SPIN1: variants seen among roughly 807,000 people sequenced by gnomAD.
The protein encoded by SPIN1 is spindlin 1.
A neutral mutation model predicts 26.0 loss-of-function variants in SPIN1; 3 were observed. The ratio of observed to expected loss-of-function variants is 0.12; its 90% CI spans 0.05 to 0.30. The LOEUF is 0.30. Among genes scored for constraint, SPIN1 ranks in the 10% least tolerant of loss-of-function variants. The probability of loss-of-function intolerance (pLI) is 1.00; values close to 1 mark genes in which losing one functional copy is unlikely to be tolerated. For missense variants in SPIN1, 126 were observed against 333.4 expected, an observed-to-expected ratio of 0.38 and a Z score of 4.84; for synonymous variants, 101 against 116.5, an observed-to-expected ratio of 0.87 and a Z score of 0.86.
intron 2 of SPIN1, among the ~76,000 whole-genome samples, chr9:88,426,813 A>T (rs1827772732): frequency 1.3e-5 from 2 of 152,236 alleles, no homozygotes; most frequent in South Asian, 4.1e-4. Context: ...ATAAATGTCT[A>T]GTAAATTTAG....
chr9:88,447,828 G>A (rs957941924), intron 2 of SPIN1, among the ~76,000 whole-genome samples: 3 of 152,070 alleles, frequency 2.0e-5, no homozygotes, highest in African/African-American at 7.2e-5. Flanking sequence ...ATACACCATT[G>A]CCCAAAAATT....
chr9:88,452,090 A>AT (rs1413022474), intron 3 of SPIN1, among the ~76,000 whole-genome samples: 1 of 152,184 alleles, frequency 6.6e-6, no homozygotes, highest in Non-Finnish European at 1.5e-5. Flanking sequence ...AAATAGAGGT[A>AT]TTTCCAGGGA....
chr9:88,452,651 C>T (rs953263769), intron 3 of SPIN1, among the ~76,000 whole-genome samples: 2 of 152,146 alleles, frequency 1.3e-5, no homozygotes, highest in African/African-American at 4.8e-5. Flanking sequence ...AGGAAACATG[C>T]TAATGTGGAT....
intron 3 of SPIN1, among the ~76,000 whole-genome samples, chr9:88,451,547 G>A (rs1268009213): frequency 1.4e-4 from 22 of 152,042 alleles, no homozygotes; most frequent in East Asian, 1.9e-4. Flanking sequence ...TTAAAAGTAC[G>A]TCTGTTTTTT....
chr9:88,395,510 A>G (rs1587769449), intron 1 of SPIN1, among the ~76,000 whole-genome samples: 2 of 152,162 alleles, frequency 1.3e-5, no homozygotes, highest in East Asian at 1.9e-4. Context: ...TTGTGGGTAT[A>G]TTGTTTTTTA....
At chr9:88,430,327 GGA>G (rs1827844176) in intron 2 of SPIN1, among the ~76,000 whole-genome samples, 1 of 152,158 alleles carries the variant, frequency 6.6e-6, no homozygotes, top group African/African-American at 2.4e-5. Flanking sequence ...ACCTTTACAT[GGA>G]GGCTTCCAGA....
rs1828772524 is a variant in SPIN1, at chr9:88,471,019, A to ATT, written c.589+2415_589+2416insTT. 7.0e-4 allele frequency among the ~76,000 whole-genome samples: 107 copies of ATT among 152,254 alleles called. 1 individual carries two copies. The South Asian group carries it at 0.022, about 31-fold the overall frequency. On this transcript the variant is annotated intron_variant, in intron 5 of 5. Transcript: ENST00000375859. ...TTTTTAAATACAAGACCTTTATCAG[A>ATT]TATATGTTGCAAATGTTTTCTCCTA... is the stretch of plus-strand genomic sequence containing the variant.
intron 1 of SPIN1, among the ~76,000 whole-genome samples, chr9:88,397,750 T>A (rs774837327): frequency 6.6e-6 from 1 of 151,908 alleles, no homozygotes; most frequent in Non-Finnish European, 1.5e-5. Flanking sequence ...GTCTCCCAAG[T>A]AGCTGGGAGT....
intron 1 of SPIN1, among the ~76,000 whole-genome samples, chr9:88,406,183 T>A (rs1344058534): frequency 8.6e-5 from 13 of 151,846 alleles, no homozygotes; most frequent in Non-Finnish European, 2.9e-5. Context: ...ATTATAATAT[T>A]ATGGGACTAC....
Position 88,423,852 on chromosome 9 carries a change from G to T in SPIN1, c.-158-2530G>T, listed in dbSNP as rs139370737. ...GTGATCTTGGCTCACTACAACCTCTGCCTCCTGGGTTCAAGTGATTCTCCT... is the reference window on the plus strand; with the variant it reads ...GTGATCTTGGCTCACTACAACCTCTTCCTCCTGGGTTCAAGTGATTCTCCT... On this transcript the variant is annotated intron_variant, in intron 1 of 5. Transcript: ENST00000375859. 3.2e-3 allele frequency among the ~76,000 whole-genome samples: 480 copies of T among 151,796 alleles called. 10 individuals carry two copies. The South Asian group carries it at 0.046, about 14-fold the overall frequency.
chr9:88,420,314 G>A (rs1827645714), intron 1 of SPIN1, among the ~76,000 whole-genome samples: 1 of 152,230 alleles, frequency 6.6e-6, no homozygotes, highest in Non-Finnish European at 1.5e-5. Context: ...GGCGGAGGTT[G>A]CAGTGAGCCG....
chr9:88,396,299 ACT>A (rs1358799499), intron 1 of SPIN1, among the ~76,000 whole-genome samples: 2 of 151,436 alleles, frequency 1.3e-5, no homozygotes, highest in African/African-American at 4.9e-5. Flanking sequence ...TTTACTTAAA[ACT>A]CTAAATGGTG....
intron 1 of SPIN1, among the ~76,000 whole-genome samples, chr9:88,411,912 G>A (rs139543614): frequency 1.3e-5 from 2 of 152,002 alleles, no homozygotes; most frequent in Non-Finnish European, 2.9e-5. Flanking sequence ...GGTGGCTCAT[G>A]CCTGTAATCA....
At chr9:88,469,092 T>A (rs1452324342) in intron 5 of SPIN1, among the ~76,000 whole-genome samples, 4 of 152,200 alleles carry the variant, frequency 2.6e-5, no homozygotes, top group Admixed American at 2.6e-4. Context: ...ACCAGTTTCA[T>A]GGAAGACAGT....
chr9:88,411,202 C>G (rs550909023), intron 1 of SPIN1: 2 of 1,250,052 alleles, frequency 1.6e-6, no homozygotes, highest in Admixed American at 1.7e-5. Flanking sequence ...AGACAGCTCT[C>G]TTTGGTTCCA....
At chr9:88,472,556 G>A (rs967590172) in intron 5 of SPIN1, among the ~76,000 whole-genome samples, 1 of 151,880 alleles carries the variant, frequency 6.6e-6, no homozygotes, top group Non-Finnish European at 1.5e-5. Context: ...GCAGTGGCAC[G>A]ATCTTGGCTC....
At chr9:88,396,007 A>G (rs1658059118) in intron 1 of SPIN1, among the ~76,000 whole-genome samples, 1 of 151,780 alleles carries the variant, frequency 6.6e-6, no homozygotes, top group Admixed American at 6.6e-5. Flanking sequence ...AGATTGCGCC[A>G]CTGCACTCCA....
chr9:88,429,817 G>T (rs1316457950), intron 2 of SPIN1, among the ~76,000 whole-genome samples: 1 of 152,070 alleles, frequency 6.6e-6, no homozygotes, highest in African/African-American at 2.4e-5. Flanking sequence ...TCATGCCTTG[G>T]TCCTACTAGA....
rs752448476 is a variant in SPIN1 at position 88,475,729 on chromosome 9, TACACAC to T, written c.*459_*464del. On this transcript the variant is annotated 3_prime_UTR_variant, in exon 6 of 6. Transcript: ENST00000375859. ...TAATATATACACACAGATACAAGTG[TACACAC>T]ACACACCACACACCACACACACCCC... 1 of 155,380 alleles carries T rather than the reference TACACAC, an allele frequency of 6.4e-6. No homozygotes were observed. The highest frequency in any genetic ancestry group is 2.0e-4 in the South Asian group (1 of 5,094). 9.6% of individuals were successfully genotyped at this position (155,380 alleles called of 1,614,324 possible). A position where few individuals can be genotyped will look rare whatever the true frequency, so the allele number is the denominator to read the frequency against.
Sources: gnomAD v4.1 joint callset for allele counts (sites outside exome capture counted in the v4.1 genomes callset) on GRCh38, gnomAD v4.1.1 for gene constraint, MANE v1.5 for transcripts, NCBI Gene and HGNC (gene_info 2026-07-23, HGNC 2026-07-21) for gene names.